Variants in VPS50 observed in about 807,000 individuals in gnomAD.
The protein encoded by VPS50 is VPS50 subunit of EARP/GARPII complex, also known as syndetin.
In VPS50, 70 loss-of-function variants were observed where a neutral mutation model predicts 139.7. The ratio of observed to expected loss-of-function variants is 0.50; its 90% CI spans 0.41 to 0.61. The LOEUF is 0.61. Among genes scored for constraint, VPS50 ranks in the 20% least tolerant of loss-of-function variants. The pLI is 0.00. For synonymous variants in VPS50, 365 were observed against 376.7 expected (o/e 0.97, Z 0.36); for missense variants, 921 against 1,133.7 (o/e 0.81, Z 2.69).
Position 93,296,723 on chromosome 7 carries a change from C to A in VPS50, c.1168-19C>A. The A allele has an allele frequency of 6.3e-7, 1 of 1,596,802 alleles. No homozygotes were observed. The highest frequency in any genetic ancestry group is 1.1e-5 in the South Asian group (1 of 88,722). On this transcript the variant is annotated intron_variant, in intron 14 of 27. Coordinates refer to ENST00000305866, the MANE Select transcript of VPS50 (RefSeq NM_017667.4). ...CTATATTTTGGGTTTGCTTGATTTT[C>A]TTTTTCTTTGCCTTACAGGATGTTC...
At chr7:93,259,341 T>C (rs1217735093) in intron 8 of VPS50, 1 of 392,606 alleles carries the variant, frequency 2.5e-6, no homozygotes, top group African/African-American at 2.1e-5. Context: ...GAATAGAATA[T>C]TTTAAATATT....
intron 20 of VPS50, among the ~76,000 whole-genome samples, chr7:93,319,819 A>G (rs1462680794): frequency 6.6e-6 from 1 of 152,054 alleles, no homozygotes; most frequent in African/African-American, 2.4e-5. Flanking sequence ...TTGGTCCTTT[A>G]TATCTATTTT....
intron 9 of VPS50, among the ~76,000 whole-genome samples, chr7:93,262,648 TTAGA>T (rs1311910951): frequency 1.3e-5 from 2 of 152,218 alleles, no homozygotes; most frequent in South Asian, 4.1e-4. Flanking sequence ...TTAGGAAAAC[TTAGA>T]TAAAGTTGTG....
At chr7:93,254,295 G>T (rs1464561747) in intron 4 of VPS50, among the ~76,000 whole-genome samples, 3 of 152,134 alleles carry the variant, frequency 2.0e-5, no homozygotes, top group Non-Finnish European at 2.9e-5. Context: ...TTTGAGACAG[G>T]GTCTTGCTCT....
chr7:93,294,890 C>A (rs1372728960), intron 14 of VPS50, among the ~76,000 whole-genome samples: 1 of 152,040 alleles, frequency 6.6e-6, no homozygotes, highest in Non-Finnish European at 1.5e-5. Context: ...GTTTTAGAGG[C>A]CTAGCAAATT....
intron 21 of VPS50, among the ~76,000 whole-genome samples, chr7:93,324,505 T>C (rs912670764): frequency 6.6e-6 from 1 of 152,242 alleles, no homozygotes; most frequent in African/African-American, 2.4e-5. Context: ...GAAGAGTTGT[T>C]GAATTTTGTC....
rs765322349 is a variant in VPS50 at position 93,294,602 on chromosome 7, A to G, written c.1133A>G (p.Lys378Arg). The part of the protein sequence containing the change: ...ETNFDRGYIK[K>R]KLEHGLTRIW... ...AATTTTGATCGTGGCTACATAAAAAAGAAATTAGAACATGGACTTACACGA... is the reference window on the plus strand; with the variant it reads ...AATTTTGATCGTGGCTACATAAAAAGGAAATTAGAACATGGACTTACACGA... The change falls in exon 14 of 28, where the codon AAG (lysine) becomes AGG (arginine). Residue 378 changes from lysine to arginine, a missense_variant. By Grantham distance (26) the Lys-to-Arg change is conservative. This residue lies in a region of VPS50 where 744 missense variants were observed against 930.6 expected (regional missense o/e 0.80). Coordinates refer to ENST00000305866, the MANE Select transcript of VPS50 (RefSeq NM_017667.4). The G allele has an allele frequency of 1.2e-6, 2 of 1,600,316 alleles. No individual in the cohort carries two copies. The highest frequency in any genetic ancestry group is 1.7e-4 in the Middle Eastern group (1 of 5,986).
intron 9 of VPS50, among the ~76,000 whole-genome samples, chr7:93,264,385 A>C (rs1252040371): frequency 6.6e-6 from 1 of 152,224 alleles, no homozygotes; most frequent in African/African-American, 2.4e-5. Flanking sequence ...TGAAGTACTT[A>C]ATTTCTTTTT....
intron 21 of VPS50, among the ~76,000 whole-genome samples, chr7:93,331,123 AAAT>A (rs1460678471): frequency 6.6e-6 from 1 of 152,148 alleles, no homozygotes; most frequent in East Asian, 1.9e-4. Flanking sequence ...CTATGTAAAT[AAAT>A]AATGAGATAC....
At chr7:93,263,844 A>G (rs747657909) in intron 9 of VPS50, among the ~76,000 whole-genome samples, 2 of 152,186 alleles carry the variant, frequency 1.3e-5, no homozygotes, top group Non-Finnish European at 2.9e-5. Flanking sequence ...AATATTTGGA[A>G]AGAAAAAACA....
At chr7:93,298,133 CAA>C in intron 16 of VPS50, among the ~76,000 whole-genome samples, 1 of 152,046 alleles carries the variant, frequency 6.6e-6, no homozygotes. Flanking sequence ...TATTTGAATA[CAA>C]GTTATCTCTG....
intron 26 of VPS50, among the ~76,000 whole-genome samples, chr7:93,354,228 A>C (rs987903494): frequency 2.6e-5 from 4 of 152,114 alleles, no homozygotes; most frequent in African/African-American, 9.7e-5. Flanking sequence ...GAGGTTAGGT[A>C]ACTTATCTAA....
intron 23 of VPS50, among the ~76,000 whole-genome samples, chr7:93,342,279 A>G (rs1798237322): frequency 6.6e-6 from 1 of 152,234 alleles, no homozygotes; most frequent in Non-Finnish European, 1.5e-5. Context: ...CGGGCTTAAA[A>G]AACGGTGCAT....
intron 20 of VPS50, among the ~76,000 whole-genome samples, chr7:93,319,778 C>CT (rs1335571667): frequency 6.6e-6 from 1 of 152,044 alleles, no homozygotes; most frequent in South Asian, 2.1e-4. Context: ...TCTGTTCTCT[C>CT]TTTTTAAAAC....
At position 93,353,761 on chromosome 7, in the gene VPS50, G is replaced by GGTAA. The variant is rs1475502627; in HGVS notation, c.2585+3_2585+6dup. 1 of 1,596,442 alleles carries GGTAA rather than the reference G, an allele frequency of 6.3e-7. No individual in the cohort carries two copies. Among genetic ancestry groups the GGTAA allele is most frequent in the Admixed American group, 1.8e-5 (1 of 56,816 alleles). On this transcript the variant is annotated stop_gained and frameshift_variant and splice_region_variant. Coordinates refer to ENST00000305866, the MANE Select transcript of VPS50 (RefSeq NM_017667.4). LOFTEE classifies it high-confidence loss of function. ...TTGGCTAATCGAACTATTGTAGAAG[G>GGTAA]GTAAGTTTTTCATGAAAGCATTATT...
At chr7:93,328,659 C>T (rs1797851250) in intron 21 of VPS50, among the ~76,000 whole-genome samples, 1 of 152,116 alleles carries the variant, frequency 6.6e-6, no homozygotes, top group African/African-American at 2.4e-5. Context: ...TAAACTTTAT[C>T]CCTGTGGCTT....
intron 11 of VPS50, among the ~76,000 whole-genome samples, chr7:93,275,236 T>G (rs1033806628): frequency 1.3e-5 from 2 of 152,202 alleles, no homozygotes; most frequent in African/African-American, 4.8e-5. Context: ...ATAAACTTAG[T>G]TGATAAAGCA....
chr7:93,271,350 A>C, intron 10 of VPS50, 88 bp downstream of exon 10: 2 of 1,408,350 alleles, frequency 1.4e-6, no homozygotes, highest in South Asian at 3.8e-5. Context: ...TTTGGCTTTT[A>C]TGTTATTACC....
At position 93,259,666 on chromosome 7, in the gene VPS50, G is replaced by A. The variant is rs768453681; in HGVS notation, c.659+34G>A. 1.6e-5 allele frequency: 17 copies of A among 1,075,218 alleles called. No individual in the cohort carries two copies. The East Asian group carries it at 4.0e-4, about 25-fold the overall frequency. The allele number at this position is 1,075,218 out of a possible 1,614,324, so 66.6% of individuals were successfully genotyped here. ...ATGTAAATGTTTTAAAGCAGATTCT[G>A]TTGTCAGCTTCTTATGTAGCAGCTG... On this transcript the variant is annotated intron_variant, in intron 9 of 27. Transcript: ENST00000305866.
Sources: allele counts gnomAD v4.1 joint callset (sites outside exome capture counted in the v4.1 genomes callset), GRCh38; gene constraint gnomAD v4.1.1; regional missense constraint gnomAD v4.1.1; transcripts MANE v1.5; gene names NCBI Gene and HGNC (gene_info 2026-07-23, HGNC 2026-07-21).